The following CCNY variants were observed in gnomAD, a reference collection of about 807,000 sequenced individuals.
The protein encoded by CCNY is cyclin-Y.
Under a neutral mutation model 42.8 loss-of-function variants are expected in CCNY, and 19 were observed. The observed-to-expected ratio is 0.44, with a 90% CI of 0.31 to 0.65. CCNY has a LOEUF of 0.65. CCNY is among the 30% of genes least tolerant of loss of function. The probability of loss-of-function intolerance (pLI) is 0.07; values close to 1 mark genes in which losing one functional copy is unlikely to be tolerated. For missense variants in CCNY, 370 were observed against 437.3 expected (o/e 0.85, Z 1.37); for synonymous variants, 165 against 162.7 (o/e 1.01, Z -0.11).
chr10:35,425,785 A>G (rs936192036), intron 1 of CCNY, among the ~76,000 whole-genome samples: 1 of 152,152 alleles, frequency 6.6e-6, no homozygotes, highest in African/African-American at 2.4e-5. Flanking sequence ...ATCTGTGTAA[A>G]TCTGTATAAA....
intron 7 of CCNY, among the ~76,000 whole-genome samples, chr10:35,547,563 C>G (rs1455501990): frequency 1.3e-5 from 2 of 152,156 alleles, no homozygotes; most frequent in Non-Finnish European, 2.9e-5. Context: ...TTCACTACAC[C>G]TTGTCGATGC....
upstream of CCNY, among the ~76,000 whole-genome samples, chr10:35,332,749 C>T (rs1004690991): frequency 2.0e-5 from 3 of 152,096 alleles, no homozygotes; most frequent in African/African-American, 2.4e-5. Flanking sequence ...GAGCTATAGG[C>T]GCCCACCACC....
At chr10:35,505,195 C>A (rs1157145834) in intron 3 of CCNY, among the ~76,000 whole-genome samples, 2 of 150,784 alleles carry the variant, frequency 1.3e-5, no homozygotes, top group South Asian at 2.1e-4. Flanking sequence ...TGCTTTTTAC[C>A]TTAGCCTCAC....
chr10:35,356,617 T>C (rs766360089), intron 1 of CCNY, among the ~76,000 whole-genome samples: 33 of 152,118 alleles, frequency 2.2e-4, no homozygotes, highest in Non-Finnish European at 3.8e-4. Context: ...CCTCTTCATG[T>C]TTTACTCATA....
Position 35,458,889 on chromosome 10 carries a change from G to A in CCNY, c.155-24515G>A, listed in dbSNP as rs147510624. ...GCATTCACTTCTAAAGAACGAGAGAGTGTCCTTTCTCAGCCCTTAGTTGAT... is the reference window on the plus strand; with the variant it reads ...GCATTCACTTCTAAAGAACGAGAGAATGTCCTTTCTCAGCCCTTAGTTGAT... On this transcript the variant is annotated intron_variant, in intron 1 of 9. Coordinates refer to ENST00000374704, the MANE Select transcript of CCNY (RefSeq NM_145012.6). Among the ~76,000 whole-genome samples, 5 of 152,320 alleles carry A rather than the reference G, an allele frequency of 3.3e-5. No homozygotes were observed. The East Asian group carries it at 7.7e-4, about 24-fold the overall frequency.
At chr10:35,474,823 A>T (rs1839471270) in intron 1 of CCNY, among the ~76,000 whole-genome samples, 1 of 152,266 alleles carries the variant, frequency 6.6e-6, no homozygotes, top group African/African-American at 2.4e-5. Flanking sequence ...CTGAGAGAAG[A>T]AGTCTTCAGA....
At chr10:35,534,446 G>GTTT (rs1840837666) in intron 7 of CCNY, among the ~76,000 whole-genome samples, 1 of 152,178 alleles carries the variant, frequency 6.6e-6, no homozygotes, top group South Asian at 2.1e-4. Context: ...AATGGGAGAG[G>GTTT]GAGAAAGAGA....
intron 1 of CCNY, among the ~76,000 whole-genome samples, chr10:35,357,559 G>T (rs544151901): frequency 6.6e-5 from 10 of 152,328 alleles, no homozygotes; most frequent in African/African-American, 2.4e-4. Context: ...ATTAGATTCA[G>T]ATTATGTATT....
chr10:35,474,521 C>G (rs546553756), intron 1 of CCNY, among the ~76,000 whole-genome samples: 1 of 152,232 alleles, frequency 6.6e-6, no homozygotes, highest in Non-Finnish European at 1.5e-5. Context: ...TGGGAGGCAC[C>G]CTCCAGCAGG....
chr10:35,273,589 G>A (rs949646716), intron 3 of CCNY, among the ~76,000 whole-genome samples: 1 of 152,102 alleles, frequency 6.6e-6, no homozygotes, highest in African/African-American at 2.4e-5. Flanking sequence ...GCTTGCTGGA[G>A]CGCTCTTGGG....
chr10:35,540,186 G>A (rs150671888), intron 7 of CCNY, among the ~76,000 whole-genome samples: 188 of 152,292 alleles, frequency 1.2e-3, no homozygotes, highest in African/African-American at 4.0e-3. Context: ...TCCATTAAAT[G>A]TTCTGTGTGC....
chr10:35,291,451 C>A (rs1835412561), intron 3 of CCNY, among the ~76,000 whole-genome samples: 1 of 151,908 alleles, frequency 6.6e-6, no homozygotes, highest in Non-Finnish European at 1.5e-5. Context: ...TTCACTTAAT[C>A]CTCTGTCAGT....
rs187198243 is a variant in CCNY, at chr10:35,462,913, A to G, written c.155-20491A>G. Among the ~76,000 whole-genome samples, 11 of 152,334 alleles carry G rather than the reference A, an allele frequency of 7.2e-5. No individual in the cohort carries two copies. In the East Asian group the frequency reaches 2.1e-3, roughly 29 times the overall value. ...GGGATCTTGGCATTCCCAGCATTGT[A>G]TTGTGTATCAGCTACGTTAGGCCTT... is the stretch of plus-strand genomic sequence containing the variant. On this transcript the variant is annotated intron_variant, in intron 1 of 9. Coordinates refer to ENST00000374704, the MANE Select transcript of CCNY (RefSeq NM_145012.6).
chr10:35,271,437 A>G (rs12240988), intron 3 of CCNY, among the ~76,000 whole-genome samples: 3,951 of 152,272 alleles, frequency 0.026, 143 homozygotes, highest in African/African-American at 0.076. Flanking sequence ...CTCACAATGA[A>G]GGCTGAAGAA....
chr10:35,374,286 A>G (rs1837003314), intron 1 of CCNY, among the ~76,000 whole-genome samples: 1 of 152,152 alleles, frequency 6.6e-6, no homozygotes, highest in Non-Finnish European at 1.5e-5. Flanking sequence ...ATTAATTTTT[A>G]ATACATTTGA....
intron 3 of CCNY, among the ~76,000 whole-genome samples, chr10:35,318,129 A>G (rs1341315331): frequency 6.6e-6 from 1 of 152,028 alleles, no homozygotes; most frequent in Non-Finnish European, 1.5e-5. Context: ...TCAGGAGGCT[A>G]AGGTGGGAAC....
At chr10:35,289,479 G>A (rs1209492505) in intron 3 of CCNY, 1 of 152,146 alleles carries the variant, frequency 6.6e-6, no homozygotes, top group Non-Finnish European at 1.5e-5. Flanking sequence ...AACATTTGGT[G>A]CTTTACCATT....
intron 1 of CCNY, among the ~76,000 whole-genome samples, chr10:35,456,316 A>G (rs757938507): frequency 9.9e-5 from 15 of 152,220 alleles, no homozygotes; most frequent in Non-Finnish European, 1.8e-4. Flanking sequence ...CTCACATGGA[A>G]CAAAAAAGAA....
At position 35,566,089 on chromosome 10, in the gene CCNY, T is replaced by C; in HGVS notation, c.813T>C (p.Tyr271=). The change falls in exon 9 of 10, where the codon TAT becomes TAC. Residue 271 remains tyrosine, a synonymous_variant. Coordinates refer to ENST00000374704, the MANE Select transcript of CCNY (RefSeq NM_145012.6). ...ACATCAATGTTCCTTCCAGTGTCTA[T>C]GCCAAGTATTATTTTGATCTTCGTT... is the stretch of plus-strand genomic sequence containing the variant. ...QFNINVPSSV[Y]AKYYFDLRSL... The C allele has an allele frequency of 6.2e-7, 1 of 1,614,238 alleles. No homozygotes were observed. The highest frequency in any genetic ancestry group is 8.5e-7 in the Non-Finnish European group (1 of 1,180,028).
Sources: gnomAD v4.1 joint callset for allele counts (sites outside exome capture counted in the v4.1 genomes callset) on GRCh38, gnomAD v4.1.1 for gene constraint, MANE v1.5 for transcripts, NCBI Gene and HGNC (gene_info 2026-07-23, HGNC 2026-07-21) for gene names.